The following ARHGEF16 variants were observed in gnomAD, a reference collection of about 807,000 sequenced individuals.
ARHGEF16 encodes Rho guanine exchange factor (GEF) 16.
Under a neutral mutation model 74.1 loss-of-function variants are expected in ARHGEF16, and 59 were observed. The ratio of observed to expected loss-of-function variants is 0.80; its 90% CI spans 0.65 to 0.99. The LOEUF (loss-of-function observed/expected upper bound fraction) is 0.99, where lower values mean the gene tolerates loss of function less well. Ranked by LOEUF, ARHGEF16 falls within the 50% of genes least tolerant of loss-of-function variation. The pLI, the probability that ARHGEF16 is intolerant of heterozygous loss-of-function variation, is 0.00. For missense variants in ARHGEF16, 948 were observed against 986.6 expected (o/e 0.96, Z 0.52); for synonymous variants, 415 against 412.6 (o/e 1.01, Z -0.07).
rs1393977543 is a variant in ARHGEF16, at chr1:3,454,830, T to C, written c.-20+19T>C. 2.0e-5 allele frequency: 3 copies of C among 151,592 alleles called. No individual in the cohort carries two copies. In the East Asian group the frequency reaches 5.9e-4, roughly 30 times the overall value. The allele number at this position is 151,592 out of a possible 1,614,324, so 9.4% of individuals were successfully genotyped here. On this transcript the variant is annotated intron_variant, in intron 1 of 14. Transcript: ENST00000378378. ...GGCGCAGGTGAGCCTGGGGGACAGG[T>C]GAGCCGGGGGACAGGTGAGTCGGGG...
At chr1:3,455,265 T>C (rs1639240693) in intron 1 of ARHGEF16, among the ~76,000 whole-genome samples, 1 of 151,868 alleles carries the variant, frequency 6.6e-6, no homozygotes, top group Non-Finnish European at 1.5e-5. Context: ...CTTTGGGGAA[T>C]CTGACACCCA....
chr1:3,473,795 G>A (rs1036115484), intron 8 of ARHGEF16: 2 of 543,144 alleles, frequency 3.7e-6, no homozygotes, highest in Non-Finnish European at 3.2e-6. Context: ...GCACACTGAC[G>A]AGTTGGAACT....
At chr1:3,470,118 GGT>G (rs1489981375) in intron 6 of ARHGEF16, among the ~76,000 whole-genome samples, 3 of 152,024 alleles carry the variant, frequency 2.0e-5, no homozygotes, top group East Asian at 1.9e-4. Context: ...TGTGTGCGTG[GGT>G]GTGTGTGTGG....
chr1:3,457,483 C>T (rs561440310), intron 1 of ARHGEF16, among the ~76,000 whole-genome samples: 4 of 152,348 alleles, frequency 2.6e-5, no homozygotes, highest in African/African-American at 7.2e-5. Context: ...GAGCCCAAGG[C>T]GCTGGCTGGG....
intron 1 of ARHGEF16, among the ~76,000 whole-genome samples, chr1:3,455,668 C>T (rs3931607): frequency 0.067 from 10,173 of 152,044 alleles, 570 homozygotes; most frequent in East Asian, 0.22. Context: ...AACATGGGGG[C>T]CTAGGGGGTG....
In ARHGEF16 at chr1:3,469,487, C is replaced by G; in HGVS notation, c.916C>G (p.Leu306Val). 1 of 1,613,228 alleles carries G rather than the reference C, an allele frequency of 6.2e-7. No individual in the cohort carries two copies. Among genetic ancestry groups the G allele is most frequent in the East Asian group, 2.2e-5 (1 of 44,890 alleles). Residue 306 changes from leucine to valine, a missense_variant, in exon 6 of 15, where the codon CTG (leucine) becomes GTG (valine). Leu to Val is a conservative substitution (Grantham distance 32). Transcript: ENST00000378378. The part of the protein sequence containing the change: ...EFSYQHSLSI[L>V]VEEFLQSKEL... ...CTCCTACCAGCACAGCCTGAGCATC[C>G]TGGTGGAGGAGTTCCTGCAGTCCAA...
chr1:3,476,431 CAG>C (rs1462607400), intron 10 of ARHGEF16, among the ~76,000 whole-genome samples: 4 of 152,214 alleles, frequency 2.6e-5, no homozygotes, highest in Non-Finnish European at 5.9e-5. Context: ...GCTGGCCCCT[CAG>C]GGGCTGGGCA....
intron 11 of ARHGEF16, 196 bp from the exon 12 acceptor site, chr1:3,478,228 T>C: frequency 3.3e-6 from 3 of 903,980 alleles, no homozygotes; most frequent in Non-Finnish European, 3.4e-6. Flanking sequence ...TCTGCAGACC[T>C]GGGTCTGCCG....
Position 3,478,053 on chromosome 1 carries a change from G to T in ARHGEF16, c.1625+27G>T, listed in dbSNP as rs775031316. 17 of 1,612,482 alleles carry T rather than the reference G, an allele frequency of 1.1e-5. 1 individual carries two copies. In the South Asian group the frequency reaches 1.8e-4, roughly 17 times the overall value. On this transcript the variant is annotated intron_variant, in intron 11 of 14. Coordinates refer to ENST00000378378, the MANE Select transcript of ARHGEF16 (RefSeq NM_014448.4). ...TGGCCTTAGGGCAGGAGGGTGTGGG[G>T]AGCCCCACTCCATGGACACTGGACC...
At chr1:3,474,666 T>C in intron 8 of ARHGEF16, 42 bp from the exon 9 acceptor site, 1 of 1,583,378 alleles carries the variant, frequency 6.3e-7, no homozygotes, top group South Asian at 1.1e-5. Flanking sequence ...ACACCTGGGA[T>C]GCCAGAGGGG....
At chr1:3,468,490 C>T (rs1408892535) in intron 4 of ARHGEF16, 2 of 238,574 alleles carry the variant, frequency 8.4e-6, no homozygotes, top group East Asian at 1.1e-4. Flanking sequence ...ACTCGCCTCG[C>T]CCAGGTGGGG....
In ARHGEF16 at chr1:3,469,792, C is replaced by G. The variant is rs561626479; in HGVS notation, c.1022+199C>G. Among the ~76,000 whole-genome samples, 578 of 152,284 alleles carry G rather than the reference C, an allele frequency of 3.8e-3. 2 individuals are homozygous for G. The highest frequency in any genetic ancestry group is 6.2e-3 in the Non-Finnish European group (425 of 68,010). On this transcript the variant is annotated intron_variant, in intron 6 of 14. Coordinates refer to ENST00000378378, the MANE Select transcript of ARHGEF16 (RefSeq NM_014448.4). ...GGCCACCAAGAGCTGGCCCCAGGGC[C>G]GGGCTAAGCACTGGGGCTGTGGCAT...
Position 3,478,157 on chromosome 1 carries a change from G to A in ARHGEF16, c.1625+131G>A, listed in dbSNP as rs528623992. The A allele has an allele frequency of 2.8e-4, 367 of 1,302,224 alleles. No individual in the cohort carries two copies. The Middle Eastern group carries it at 2.9e-3, about 10-fold the overall frequency. The allele number at this position is 1,302,224 out of a possible 1,614,324, so 80.7% of individuals were successfully genotyped here. A position where few individuals can be genotyped will look rare whatever the true frequency, so the allele number is the denominator to read the frequency against. On this transcript the variant is annotated intron_variant, in intron 11 of 14. Coordinates refer to ENST00000378378, the MANE Select transcript of ARHGEF16 (RefSeq NM_014448.4). ...CAGAGCCGAGGCGCGGCTTCCACTC[G>A]GCACATGCTCTACGTGACACTCGGG...
At chr1:3,476,995 C>G (rs1348353610) in intron 10 of ARHGEF16, among the ~76,000 whole-genome samples, 1 of 152,070 alleles carries the variant, frequency 6.6e-6, no homozygotes, top group African/African-American at 2.4e-5. Flanking sequence ...GACCCCCTCC[C>G]AGGCCTGGTC....
intron 1 of ARHGEF16, among the ~76,000 whole-genome samples, chr1:3,460,143 C>A (rs886553067): frequency 2.0e-5 from 3 of 152,250 alleles, no homozygotes; most frequent in East Asian, 1.9e-4. Flanking sequence ...ACTGCCCACA[C>A]CCCTCAGGCT....
In ARHGEF16 at chr1:3,478,603, C is replaced by A; in HGVS notation, c.1805C>A (p.Ser602Ter). The change falls in exon 12 of 15, where the codon TCG (serine) becomes TAG (stop). Residue 602 changes from serine (S) to a stop codon, truncating the protein, a stop_gained. Transcript: ENST00000378378. LOFTEE classifies it high-confidence loss of function. Reference protein sequence around the residue: ...EGRQEQLLLSSDSASDRARWI... With the variant: ...EGRQEQLLLS The stretch of plus-strand genomic sequence containing the variant: ...CGCCAGGAGCAGCTCCTGCTCTCCT[C>A]GGACTCCGCGTAAGTGGGCTCCCGG... 6.2e-7 allele frequency: 1 copy of A among 1,609,156 alleles called. No homozygotes were observed. Among genetic ancestry groups the A allele is most frequent in the Non-Finnish European group, 8.5e-7 (1 of 1,177,838 alleles).
At chr1:3,464,825 C>T (rs1639498559) in intron 2 of ARHGEF16, among the ~76,000 whole-genome samples, 1 of 152,238 alleles carries the variant, frequency 6.6e-6, no homozygotes, top group Non-Finnish European at 1.5e-5. Flanking sequence ...TCACTGGTTG[C>T]CGTCCCAGCT....
chr1:3,470,233 T>A (rs181523767), intron 6 of ARHGEF16, among the ~76,000 whole-genome samples: 30 of 149,254 alleles, frequency 2.0e-4, no homozygotes, highest in African/African-American at 7.0e-4. Flanking sequence ...AGCACCCTGG[T>A]GTGTATGCAT....
intron 11 of ARHGEF16, 77 bp downstream of exon 11, chr1:3,478,103 A>C: frequency 6.3e-7 from 1 of 1,595,842 alleles, no homozygotes; most frequent in South Asian, 1.1e-5. Flanking sequence ...AGGAGGGTAC[A>C]GGGAGTTGGC....
Sources: allele counts gnomAD v4.1 joint callset (sites outside exome capture counted in the v4.1 genomes callset), GRCh38; gene constraint gnomAD v4.1.1; transcripts MANE v1.5; gene names NCBI Gene and HGNC (gene_info 2026-07-23, HGNC 2026-07-21).